The following RPS6KA2 variants were observed in gnomAD, a reference collection of about 807,000 sequenced individuals.
RPS6KA2 encodes the protein ribosomal protein S6 kinase A2.
A neutral mutation model predicts 91.8 loss-of-function variants in RPS6KA2; 42 were observed. The ratio of observed to expected loss-of-function variants is 0.46; its 90% confidence interval spans 0.36 to 0.59. The LOEUF is 0.59. RPS6KA2 is among the 20% of genes least tolerant of loss of function. The probability of loss-of-function intolerance (pLI) is 0.00; values close to 1 mark genes in which losing one functional copy is unlikely to be tolerated. For synonymous variants in RPS6KA2, 414 were observed against 393.6 expected (o/e 1.05, Z -0.61); for missense variants, 798 against 978.5 (o/e 0.82, Z 2.46).
intron 2 of RPS6KA2, among the ~76,000 whole-genome samples, chr6:166,828,570 C>T (rs916012116): frequency 7.9e-5 from 12 of 152,144 alleles, no homozygotes; most frequent in African/African-American, 2.9e-4. Flanking sequence ...ATTCAGTGTG[C>T]CTTAAAAGTG....
rs73257223 is a variant in RPS6KA2, at chr6:166,557,389, G to C, written c.100-18605C>G. Among the ~76,000 whole-genome samples the C allele has an allele frequency of 5.9e-5, 9 of 152,158 alleles. No individual in the cohort carries two copies. The highest frequency in any genetic ancestry group is 2.2e-4 in the African/African-American group (9 of 41,422). On this transcript the variant is annotated intron_variant, in intron 1 of 20. Coordinates refer to ENST00000265678, the MANE Select transcript of RPS6KA2 (RefSeq NM_021135.6). This position sits in a 1 kb window ranked among gnomAD's most constrained non-coding sequence, Gnocchi z 4.8. ...ACAGACTCAATGGTCAGGTGGCCGG[G>C]GTCACTCTGAAAATGAACTGTTCTC...
chr6:166,697,145 G>A (rs569204765), intron 2 of RPS6KA2, among the ~76,000 whole-genome samples: 28 of 151,766 alleles, frequency 1.8e-4, no homozygotes, highest in Middle Eastern at 3.4e-3. Flanking sequence ...ATATCCTATC[G>A]GTTTTGTTTC....
intron 2 of RPS6KA2, among the ~76,000 whole-genome samples, chr6:166,534,170 C>T (rs1583250975): frequency 1.4e-5 from 2 of 142,414 alleles, no homozygotes; most frequent in East Asian, 2.0e-4. Flanking sequence ...TGCAGTGAGC[C>T]GAGATTCAGC....
chr6:166,561,219 A>T (rs1412598123), intron 1 of RPS6KA2, among the ~76,000 whole-genome samples: 1 of 152,162 alleles, frequency 6.6e-6, no homozygotes, highest in African/African-American at 2.4e-5. Flanking sequence ...GCCAGCGGGC[A>T]GGAGCCCTGA....
At chr6:166,627,868 C>G (rs1216510702), upstream of RPS6KA2, 1 of 152,260 alleles carries the variant, frequency 6.6e-6, no homozygotes, top group African/African-American at 2.4e-5. Context: ...CAGCCAAAAC[C>G]TCAGCGGCAC....
rs772353519 is a variant in RPS6KA2 at position 166,418,255 on chromosome 6, T to A, written c.1908A>T (p.Gly636=). The change falls in exon 19 of 21, where the codon GGA becomes GGT. Residue 636 remains glycine (G), a synonymous_variant. Transcript: ENST00000265678. The surrounding 1 kb of genome is among the most constrained non-coding windows in gnomAD (Gnocchi z 4.9). ...CTGCGTCAGATATCGAGTCCCAGTT[T>A]CCCCCAGAAAGGGCATACTTCCCAC... ...IGSGKYALSG[G]NWDSISDAAK... is the part of the protein sequence containing the mutation. 6.2e-7 allele frequency: 1 copy of A among 1,613,518 alleles called. No individual in the cohort carries two copies. The highest frequency in any genetic ancestry group is 2.2e-5 in the East Asian group (1 of 44,862).
chr6:166,597,215 G>A (rs1042610235), intron 1 of RPS6KA2, among the ~76,000 whole-genome samples: 2 of 152,212 alleles, frequency 1.3e-5, no homozygotes, highest in African/African-American at 2.4e-5. Context: ...GGGATAAGTC[G>A]AAAGAATGGA....
In RPS6KA2 at chr6:166,852,441, T is replaced by A. The variant is rs1177418845; in HGVS notation, c.123+5759A>T. Among the ~76,000 whole-genome samples, 3 of 151,958 alleles carry A rather than the reference T, an allele frequency of 2.0e-5. No homozygotes were observed. The highest frequency in any genetic ancestry group is 1.9e-4 in the East Asian group (1 of 5,174). On this transcript the variant is annotated intron_variant, in intron 2 of 21. Transcript: ENST00000503859. This position sits in a 1 kb window ranked among gnomAD's most constrained non-coding sequence, Gnocchi z 4.1. ...TAGATTGTTTTTCTTTCTGTTTTTT[T>A]ATGAGGAACAATGGAATTCTGTCTG... is the stretch of plus-strand genomic sequence containing the variant.
intron 2 of RPS6KA2, among the ~76,000 whole-genome samples, chr6:166,741,876 C>T (rs1029917458): frequency 5.3e-5 from 8 of 152,202 alleles, no homozygotes; most frequent in African/African-American, 1.9e-4. Flanking sequence ...CCTGTAATCC[C>T]AGCACTTTAA....
chr6:166,423,232 G>A lies in RPS6KA2; in HGVS notation c.1743+24C>T. 6.3e-7 allele frequency: 1 copy of A among 1,592,142 alleles called. No homozygotes were observed. The highest frequency in any genetic ancestry group is 8.6e-7 in the Non-Finnish European group (1 of 1,164,600). On this transcript the variant is annotated intron_variant, in intron 17 of 20. Coordinates refer to ENST00000265678, the MANE Select transcript of RPS6KA2 (RefSeq NM_021135.6). This position sits in a 1 kb window ranked among gnomAD's most constrained non-coding sequence, Gnocchi z 4.8. ...CTGTCTTTGCGGATAGAGAGGCCTGGGTCTGCAGTCGGGGAATGCTCACCT... is the reference window on the plus strand; with the variant it reads ...CTGTCTTTGCGGATAGAGAGGCCTGAGTCTGCAGTCGGGGAATGCTCACCT...
At chr6:166,771,697 A>G (rs1355398728) in intron 2 of RPS6KA2, among the ~76,000 whole-genome samples, 2 of 152,228 alleles carry the variant, frequency 1.3e-5, no homozygotes, top group African/African-American at 4.8e-5. Context: ...CAGAATTCAA[A>G]TGAAATCTCC....
At chr6:166,705,776 G>A (rs1023333523) in intron 2 of RPS6KA2, among the ~76,000 whole-genome samples, 1 of 152,102 alleles carries the variant, frequency 6.6e-6, no homozygotes, top group East Asian at 1.9e-4. Context: ...ATTTACAGTG[G>A]GCTTAAAAAT....
chr6:166,759,709 C>T (rs1259345040), intron 2 of RPS6KA2, among the ~76,000 whole-genome samples: 1 of 152,178 alleles, frequency 6.6e-6, no homozygotes, highest in African/African-American at 2.4e-5. Context: ...ATATGTGCAG[C>T]CTTTCACAGA....
chr6:166,543,846 T>C (rs6456092), intron 1 of RPS6KA2, among the ~76,000 whole-genome samples: 49,206 of 150,328 alleles, frequency 0.33, 8,511 homozygotes, highest in East Asian at 0.65. Flanking sequence ...CATGTGTACA[T>C]GTGGAATGCA....
In RPS6KA2 at chr6:166,648,300, C is replaced by T. The variant is rs567062229; in HGVS notation, c.124-109516G>A. ...CGCATGCACACAGTATGCACACACACGCATGTATACACATGCACACACACA... is the reference window on the plus strand; with the variant it reads ...CGCATGCACACAGTATGCACACACATGCATGTATACACATGCACACACACA... On this transcript the variant is annotated intron_variant, in intron 2 of 21. Coordinates refer to the RPS6KA2 transcript ENST00000503859. The surrounding 1 kb of genome is among the most constrained non-coding windows in gnomAD (Gnocchi z 4.8). Among the ~76,000 whole-genome samples, 9 of 152,254 alleles carry T rather than the reference C, an allele frequency of 5.9e-5. No homozygotes were observed. Among genetic ancestry groups the T allele is most frequent in the African/African-American group, 1.7e-4 (7 of 41,546 alleles).
At chr6:166,616,685 C>A (rs1786427528) in intron 1 of RPS6KA2, among the ~76,000 whole-genome samples, 1 of 152,234 alleles carries the variant, frequency 6.6e-6, no homozygotes, top group South Asian at 2.1e-4. Context: ...AGAGCCCAGG[C>A]CCACAGCTCT....
At chr6:166,670,557 C>T (rs1347457885) in intron 2 of RPS6KA2, among the ~76,000 whole-genome samples, 1 of 152,174 alleles carries the variant, frequency 6.6e-6, no homozygotes, top group Non-Finnish European at 1.5e-5. Context: ...GACTGCCACA[C>T]TTTGAAGTGA....
chr6:166,672,255 C>T (rs1316254550), intron 2 of RPS6KA2, among the ~76,000 whole-genome samples: 1 of 152,166 alleles, frequency 6.6e-6, no homozygotes, highest in South Asian at 2.1e-4. Flanking sequence ...CCCACGCACA[C>T]ACTGAGTGCT....
chr6:166,637,812 T>C (rs539031699), intron 2 of RPS6KA2, among the ~76,000 whole-genome samples: 2 of 152,318 alleles, frequency 1.3e-5, no homozygotes, highest in East Asian at 3.9e-4. Flanking sequence ...GGTTCAGATT[T>C]GCAGCATAAG....
Sources: gnomAD v4.1 joint callset for allele counts (sites outside exome capture counted in the v4.1 genomes callset) on GRCh38, gnomAD v4.1.1 for gene constraint, Gnocchi (gnomAD v3.1) non-coding constraint, MANE v1.5 for transcripts, NCBI Gene and HGNC (gene_info 2026-07-23, HGNC 2026-07-21) for gene names.